Variants in TMEM132B observed in about 807,000 individuals in gnomAD.
TMEM132B encodes the protein transmembrane protein 132B.
Under a neutral mutation model 90.8 loss-of-function variants are expected in TMEM132B, and 18 were observed. That is an observed-to-expected ratio of 0.20 (90% CI 0.14 to 0.29). TMEM132B has a LOEUF of 0.29. Among genes scored for constraint, TMEM132B ranks in the 10% least tolerant of loss-of-function variants. The pLI is 1.00. For synonymous variants in TMEM132B, 504 were observed against 523.3 expected, an observed-to-expected ratio of 0.96 and a Z score of 0.50; for missense variants, 1,096 against 1,326.8, an observed-to-expected ratio of 0.83 and a Z score of 2.70.
At chr12:125,216,094 G>C (rs764149015) in intron 1 of TMEM132B, among the ~76,000 whole-genome samples, 1 of 152,230 alleles carries the variant, frequency 6.6e-6, no homozygotes. Flanking sequence ...TCTGCCTCCT[G>C]TATTAGTTTG....
At chr12:125,264,963 A>AT (rs1172532781) in intron 1 of TMEM132B, among the ~76,000 whole-genome samples, 1 of 152,144 alleles carries the variant, frequency 6.6e-6, no homozygotes, top group African/African-American at 2.4e-5. Context: ...CTGTTTGGTG[A>AT]TTTTGTCACT....
intron 4 of TMEM132B, 56 bp from the exon 5 acceptor site, chr12:125,583,795 G>T (rs1194157725): frequency 1.1e-5 from 18 of 1,596,118 alleles, no homozygotes; most frequent in Non-Finnish European, 1.5e-5. Flanking sequence ...CCCCTCTCCT[G>T]CTCGCCCCTG....
chr12:125,512,013 C>T (rs528278030), intron 3 of TMEM132B, among the ~76,000 whole-genome samples: 8 of 152,236 alleles, frequency 5.3e-5, no homozygotes, highest in Non-Finnish European at 7.4e-5. Context: ...TGCCATGTCC[C>T]GCCCTATGGA....
intron 2 of TMEM132B, among the ~76,000 whole-genome samples, chr12:125,353,883 A>C (rs765311780): frequency 1.3e-5 from 2 of 152,236 alleles, no homozygotes; most frequent in African/African-American, 4.8e-5. Context: ...CTTCTTGGTA[A>C]GTAGAAACCC....
At chr12:125,529,631 C>T (rs538658372) in intron 4 of TMEM132B, among the ~76,000 whole-genome samples, 1 of 152,262 alleles carries the variant, frequency 6.6e-6, no homozygotes, top group East Asian at 1.9e-4. Context: ...GGTGCTTTAC[C>T]CCAAGGAAGG....
chr12:125,420,939 A>T (rs1271054880), intron 3 of TMEM132B, among the ~76,000 whole-genome samples: 1 of 152,224 alleles, frequency 6.6e-6, no homozygotes, highest in Non-Finnish European at 1.5e-5. Flanking sequence ...TCTCTAGGGC[A>T]GGGGCAAAAT....
At chr12:125,493,385 T>C (rs539862242) in intron 3 of TMEM132B, among the ~76,000 whole-genome samples, 15 of 152,158 alleles carry the variant, frequency 9.9e-5, no homozygotes, top group African/African-American at 3.6e-4. Flanking sequence ...TGAAAGGGGA[T>C]ATGGGGAAAT....
intron 1 of TMEM132B, among the ~76,000 whole-genome samples, chr12:125,242,249 C>T (rs1168980655): frequency 6.6e-6 from 1 of 152,124 alleles, no homozygotes; most frequent in Non-Finnish European, 1.5e-5. Context: ...CTCCTGGGCT[C>T]AAGAATCCTC....
chr12:125,556,954 C>T (rs985008993), intron 4 of TMEM132B, among the ~76,000 whole-genome samples: 1 of 152,072 alleles, frequency 6.6e-6, no homozygotes, highest in African/African-American at 2.4e-5. Context: ...CAGAGTTTCA[C>T]CGTGTTAGCC....
intron 1 of TMEM132B, among the ~76,000 whole-genome samples, chr12:125,206,171 G>A (rs982262067): frequency 6.6e-6 from 1 of 152,142 alleles, no homozygotes; most frequent in African/African-American, 2.4e-5. Flanking sequence ...GTATTCCTTT[G>A]GTCTTCCTCA....
At chr12:125,587,147 G>A (rs1158856868) in intron 5 of TMEM132B, 1 of 151,304 alleles carries the variant, frequency 6.6e-6, no homozygotes, top group Admixed American at 6.6e-5. Flanking sequence ...ACCCATGGAT[G>A]GGAGGAGACT....
intron 2 of TMEM132B, among the ~76,000 whole-genome samples, chr12:125,395,798 A>G (rs1879153832): frequency 6.6e-6 from 1 of 152,246 alleles, no homozygotes. Context: ...TGGAGTGGCC[A>G]GAAAGCAAGC....
At chr12:125,647,615 G>A (rs1465896059) in intron 6 of TMEM132B, among the ~76,000 whole-genome samples, 2 of 152,114 alleles carry the variant, frequency 1.3e-5, no homozygotes, top group South Asian at 4.1e-4. Flanking sequence ...GGAATGAAAC[G>A]AGAATAAAGA....
At chr12:125,253,010 C>T (rs11832301) in intron 1 of TMEM132B, among the ~76,000 whole-genome samples, 3,790 of 152,242 alleles carry the variant, frequency 0.025, 168 homozygotes, top group African/African-American at 0.087. Context: ...TCTGGAGCCC[C>T]GTGGAGCCGG....
At chr12:125,430,608 C>T (rs1042091713) in intron 3 of TMEM132B, among the ~76,000 whole-genome samples, 3 of 152,208 alleles carry the variant, frequency 2.0e-5, no homozygotes, top group South Asian at 4.2e-4. Context: ...AGAATCCAGC[C>T]GAGCTTGAAC....
intron 5 of TMEM132B, among the ~76,000 whole-genome samples, chr12:125,597,410 C>G (rs1226983022): frequency 1.3e-5 from 2 of 152,198 alleles, no homozygotes; most frequent in South Asian, 2.1e-4. Context: ...GGTGTGGAGG[C>G]ACTTGGCCTG....
intron 1 of TMEM132B, among the ~76,000 whole-genome samples, chr12:125,254,172 C>T (rs892494807): frequency 1.3e-5 from 2 of 151,982 alleles, no homozygotes; most frequent in African/African-American, 4.8e-5. Context: ...GTCTGTGGTC[C>T]CAGCTATTCA....
chr12:125,413,254 A>G (rs1879908448), intron 2 of TMEM132B, among the ~76,000 whole-genome samples: 1 of 151,834 alleles, frequency 6.6e-6, no homozygotes, highest in East Asian at 1.9e-4. Flanking sequence ...TGATTTTGAT[A>G]CATTCTATTT....
intron 1 of TMEM132B, among the ~76,000 whole-genome samples, chr12:125,269,737 G>A (rs539683111): frequency 6.6e-6 from 1 of 152,114 alleles, no homozygotes; most frequent in Non-Finnish European, 1.5e-5. Flanking sequence ...AAATAACAAC[G>A]GTTTAAGCAA....
Sources: allele counts gnomAD v4.1 joint callset (sites outside exome capture counted in the v4.1 genomes callset), GRCh38; gene constraint gnomAD v4.1.1; transcripts MANE v1.5; gene names NCBI Gene and HGNC (gene_info 2026-07-23, HGNC 2026-07-21).